The following MTUS1 variants were observed in gnomAD, a reference collection of about 807,000 sequenced individuals.
The protein encoded by MTUS1 is microtubule associated scaffold protein 1.
A neutral mutation model predicts 120.8 loss-of-function variants in MTUS1; 109 were observed. That is an observed-to-expected ratio of 0.90 (90% confidence interval 0.77 to 1.06). The LOEUF (loss-of-function observed/expected upper bound fraction) is 1.06, where lower values mean the gene tolerates loss of function less well. Among genes scored for constraint, MTUS1 ranks in the 50% least tolerant of loss-of-function variants. MTUS1 has a pLI of 0.00. For missense variants in MTUS1, 2,210 were observed against 1,486.3 expected (o/e 1.49, Z -8.01); for synonymous variants, 737 against 550.5 (o/e 1.34, Z -4.74).
Position 17,712,292 on chromosome 8 carries a change from G to A in MTUS1, c.2623+922C>T, listed in dbSNP as rs901570194. On this transcript the variant is annotated intron_variant, in intron 6 of 14. Transcript: ENST00000693296. ...ATCACTGTATATAAAATAAGACAATGTAGGCAGTGTACAGGAGACCTTATC... is the reference window on the plus strand; with the variant it reads ...ATCACTGTATATAAAATAAGACAATATAGGCAGTGTACAGGAGACCTTATC... Among the ~76,000 whole-genome samples the A allele has an allele frequency of 5.9e-5, 9 of 152,134 alleles. No individual in the cohort carries two copies. The East Asian group carries it at 1.7e-3, about 29-fold the overall frequency.
At chr8:17,746,740 G>A (rs1271845133) in intron 2 of MTUS1, among the ~76,000 whole-genome samples, 7 of 152,080 alleles carry the variant, frequency 4.6e-5, no homozygotes. Context: ...CTAACATATA[G>A]CCCGTATAGA....
At chr8:17,709,136 CA>C (rs11462531) in intron 6 of MTUS1, among the ~76,000 whole-genome samples, 108 of 137,530 alleles carry the variant, frequency 7.9e-4, no homozygotes, top group Non-Finnish European at 8.7e-4. Context: ...GACTCTGCCT[CA>C]AAAAAAAAAA....
chr8:17,752,856 G>C (rs79617238), intron 2 of MTUS1, among the ~76,000 whole-genome samples: 2,387 of 152,234 alleles, frequency 0.016, 44 homozygotes, highest in Non-Finnish European at 0.021. Flanking sequence ...GCCAAAAATA[G>C]GGCTGAGGAC....
intron 1 of MTUS1, among the ~76,000 whole-genome samples, chr8:17,761,284 T>TA (rs1459330407): frequency 6.6e-6 from 1 of 152,168 alleles, no homozygotes; most frequent in Admixed American, 6.5e-5. Context: ...TCCCCAAAGA[T>TA]AAAAAATTCC....
chr8:17,691,509 T>G (rs1283715151), intron 6 of MTUS1: 1 of 152,230 alleles, frequency 6.6e-6, no homozygotes, highest in Non-Finnish European at 1.5e-5. Flanking sequence ...CTTGTCTATG[T>G]GGCAAGAGGC....
At chr8:17,689,416 G>A (rs1304125927) in intron 6 of MTUS1, among the ~76,000 whole-genome samples, 2 of 152,040 alleles carry the variant, frequency 1.3e-5, no homozygotes, top group Non-Finnish European at 2.9e-5. Flanking sequence ...AAGCATATTC[G>A]AGAATAGAAA....
At chr8:17,715,589 C>G (rs1320263868) in intron 5 of MTUS1, among the ~76,000 whole-genome samples, 178 bp downstream of exon 5, 1 of 152,196 alleles carries the variant, frequency 6.6e-6, no homozygotes, top group Admixed American at 6.5e-5. Context: ...ACTATAGAAC[C>G]TACCAACTGT....
chr8:17,776,873 T>G (rs1008338404), intron 1 of MTUS1, among the ~76,000 whole-genome samples: 2 of 152,080 alleles, frequency 1.3e-5, no homozygotes, highest in Non-Finnish European at 2.9e-5. Flanking sequence ...ATATGCGTAA[T>G]ACTCCCTGGG....
At chr8:17,701,570 C>T (rs1232648382) in intron 6 of MTUS1, among the ~76,000 whole-genome samples, 5 of 151,696 alleles carry the variant, frequency 3.3e-5, no homozygotes, top group Non-Finnish European at 5.9e-5. Context: ...TTTTTTGAGA[C>T]GGAACCTCGG....
chr8:17,758,373 G>C (rs1209906382), intron 1 of MTUS1, among the ~76,000 whole-genome samples: 1 of 152,072 alleles, frequency 6.6e-6, no homozygotes, highest in Non-Finnish European at 1.5e-5. Flanking sequence ...CATCCAAAAA[G>C]CGATTTTGAA....
At chr8:17,780,932 A>G (rs977952266) in intron 1 of MTUS1, 4 of 152,220 alleles carry the variant, frequency 2.6e-5, no homozygotes, top group African/African-American at 7.2e-5. Context: ...GCTCACTGCC[A>G]TGACAAATCA....
intron 3 of MTUS1, among the ~76,000 whole-genome samples, chr8:17,725,596 A>C (rs897652358): frequency 1.3e-5 from 2 of 152,118 alleles, no homozygotes; most frequent in African/African-American, 4.8e-5. Flanking sequence ...TGGACTCCTA[A>C]AATCCTGTCC....
intron 2 of MTUS1, among the ~76,000 whole-genome samples, chr8:17,751,392 T>C (rs1247459561): frequency 6.6e-6 from 1 of 152,166 alleles, no homozygotes; most frequent in African/African-American, 2.4e-5. Context: ...CCAACCGACA[T>C]TCATGTTTCA....
Position 17,755,182 on chromosome 8 carries a change from G to A in MTUS1, c.626C>T (p.Thr209Ile), listed in dbSNP as rs766849237. The A allele has an allele frequency of 1.2e-6, 2 of 1,614,186 alleles. No individual in the cohort carries two copies. Among genetic ancestry groups the A allele is most frequent in the Admixed American group, 1.7e-5 (1 of 60,022 alleles). Reference protein sequence around the residue: ...STSSLSYSTWTSSHSDKTHAR... With the variant: ...STSSLSYSTWISSHSDKTHAR... ...ATGCGTCTTATCAGAATGGGAAGAT[G>A]TCCAAGTGGAATAGGATAAAGAAGA... Residue 209 changes from threonine to isoleucine, a missense_variant, in exon 2 of 15, where the codon ACA (threonine) becomes ATA (isoleucine). Physicochemically the swap from Thr to Ile is moderately conservative, Grantham distance 89. Coordinates refer to ENST00000693296, the MANE Select transcript of MTUS1 (RefSeq NM_001363059.2).
Position 17,771,700 on chromosome 8 carries a change from G to C in MTUS1, c.-154-15739C>G, listed in dbSNP as rs577604074. ...AACAAACCCTATGATAGATTCTCTT[G>C]AAATTAAATACAACTCTTACAACAA... On this transcript the variant is annotated intron_variant, in intron 1 of 14. Transcript: ENST00000693296. 2.2e-4 allele frequency among the ~76,000 whole-genome samples: 33 copies of C among 152,300 alleles called. 1 individual carries two copies. In the East Asian group the frequency reaches 5.8e-3, roughly 27 times the overall value.
In MTUS1 at chr8:17,645,973, G is replaced by C. The variant is rs781301013; in HGVS notation, c.3766C>G (p.Pro1256Ala). The change falls in exon 15 of 15, where the codon CCA (proline) becomes GCA (alanine). Residue 1256 changes from proline to alanine, a missense_variant. Pro to Ala is a conservative substitution (Grantham distance 27). Coordinates refer to ENST00000693296, the MANE Select transcript of MTUS1 (RefSeq NM_001363059.2). ...CTAGGGAAGGAGCCCGAATTCCTTG[G>C]TGACTGCAAAGGGATGGCGGAGGAT... ...PTSSAIPLQS[P>A]RNSGSFPSPS... 1 of 1,613,398 alleles carries C rather than the reference G, an allele frequency of 6.2e-7. No individual in the cohort carries two copies.
chr8:17,649,893 C>T lies in MTUS1; in HGVS notation c.3454G>A (p.Glu1152Lys), dbSNP rs1563558719. 1 of 1,611,258 alleles carries T rather than the reference C, an allele frequency of 6.2e-7. No individual in the cohort carries two copies. Among genetic ancestry groups the T allele is most frequent in the South Asian group, 1.1e-5 (1 of 90,996 alleles). The change falls in exon 13 of 15, where the codon GAG becomes AAG. Residue 1152 changes from glutamate to lysine, a missense_variant. Transcript: ENST00000693296. ...SLKAVLEIKN[E>K]KLHQQDIKLM... Reference sequence around the variant, plus strand: ...TTGATGTCCTGTTGATGCAGTTTCTCATTCTTGATCTCTAACACAGCTTTC... The same window carrying T: ...TTGATGTCCTGTTGATGCAGTTTCTTATTCTTGATCTCTAACACAGCTTTC...
rs556264110 is a variant in MTUS1 at position 17,774,069 on chromosome 8, C to A, written c.-154-18108G>T. The stretch of plus-strand genomic sequence containing the variant: ...TAACAATCCTGCTGGTAAAGGCAGT[C>A]CCCAACCCACAAGCATATAATCTTC... On this transcript the variant is annotated intron_variant, in intron 1 of 14. Coordinates refer to ENST00000693296, the MANE Select transcript of MTUS1 (RefSeq NM_001363059.2). Among the ~76,000 whole-genome samples the A allele has an allele frequency of 2.0e-5, 3 of 152,286 alleles. No individual in the cohort carries two copies. The South Asian group carries it at 6.2e-4, about 32-fold the overall frequency.
At chr8:17,717,283 A>C (rs1822521814) in intron 4 of MTUS1, among the ~76,000 whole-genome samples, 1 of 152,178 alleles carries the variant, frequency 6.6e-6, no homozygotes. Flanking sequence ...CCTTCCCTAG[A>C]ACCTAGAGAC....
Sources: gnomAD v4.1 joint callset for allele counts (sites outside exome capture counted in the v4.1 genomes callset) on GRCh38, gnomAD v4.1.1 for gene constraint, MANE v1.5 for transcripts, NCBI Gene and HGNC (gene_info 2026-07-23, HGNC 2026-07-21) for gene names.